UBAP2: variants seen among roughly 807,000 people sequenced by gnomAD.
UBAP2 encodes ubiquitin-associated protein 2.
UBAP2 carries 75 observed loss-of-function variants against 139.6 expected under a neutral mutation model. The observed-to-expected ratio is 0.54, with a 90% CI of 0.45 to 0.65. UBAP2 has a LOEUF of 0.65. Ranked by LOEUF, UBAP2 falls within the 30% of genes least tolerant of loss-of-function variation. The probability of loss-of-function intolerance (pLI) is 0.00; values close to 1 mark genes in which losing one functional copy is unlikely to be tolerated. For synonymous variants in UBAP2, 526 were observed against 526.2 expected (o/e 1.00, Z 0.01); for missense variants, 1,368 against 1,369.6 (o/e 1.00, Z 0.02).
At chr9:33,981,113 TA>T (rs1194418540) in intron 6 of UBAP2, among the ~76,000 whole-genome samples, 2 of 4,624 alleles carry the variant, frequency 4.3e-4, no homozygotes, top group East Asian at 4.5e-3. Flanking sequence ...GATATATATA[TA>T]TATATATATA....
At chr9:34,031,756 G>A (rs1187049135) in intron 1 of UBAP2, among the ~76,000 whole-genome samples, 4 of 150,280 alleles carry the variant, frequency 2.7e-5, no homozygotes, top group Non-Finnish European at 5.9e-5. Flanking sequence ...CTGCACTCTG[G>A]CCTGGGCAAC....
intron 10 of UBAP2, among the ~76,000 whole-genome samples, chr9:33,957,757 C>CA (rs1336506133): frequency 9.2e-5 from 14 of 152,226 alleles, no homozygotes; most frequent in African/African-American, 3.1e-4. Flanking sequence ...TAATTCTTAT[C>CA]AACTCTAAAT....
At chr9:34,007,938 C>T (rs1823382172) in intron 2 of UBAP2, among the ~76,000 whole-genome samples, 1 of 152,070 alleles carries the variant, frequency 6.6e-6, no homozygotes. Flanking sequence ...ACCGCACTGG[C>T]CTGTCCTTGT....
chr9:33,950,245 G>T (rs1377870436), intron 12 of UBAP2, among the ~76,000 whole-genome samples: 1 of 151,904 alleles, frequency 6.6e-6, no homozygotes, highest in Admixed American at 6.6e-5. Context: ...TGTTGTTGTT[G>T]TATTTTTAGT....
chr9:33,923,010 T>G lies in UBAP2; in HGVS notation c.3028A>C (p.Thr1010Pro). The change falls in exon 27 of 29, where the codon ACT becomes CCT. Residue 1010 changes from threonine to proline, a missense_variant. Thr to Pro is a conservative substitution (Grantham distance 38). Transcript: ENST00000379238. ...GKGVSVSSST[T>P]GLPDMTGSVY... ...GAACCAGTCATATCAGGTAGACCAG[T>G]GGTGCTTGAAGACACTGATACTCCT... 6.2e-7 allele frequency: 1 copy of G among 1,614,100 alleles called. No homozygotes were observed. Among genetic ancestry groups the G allele is most frequent in the Non-Finnish European group, 8.5e-7 (1 of 1,179,996 alleles).
At chr9:34,038,102 G>T (rs532648225) in intron 1 of UBAP2, among the ~76,000 whole-genome samples, 1 of 145,230 alleles carries the variant, frequency 6.9e-6, no homozygotes, top group South Asian at 2.2e-4. Context: ...GGAGTTCAAG[G>T]CTGCAATGAG....
chr9:34,003,746 G>C (rs1194886381), intron 2 of UBAP2, among the ~76,000 whole-genome samples: 2 of 148,436 alleles, frequency 1.3e-5, no homozygotes, highest in African/African-American at 5.0e-5. Flanking sequence ...TTGAGACAGA[G>C]TTTCACTCTT....
At chr9:33,993,380 G>T (rs1238264677) in intron 4 of UBAP2, among the ~76,000 whole-genome samples, 1 of 152,200 alleles carries the variant, frequency 6.6e-6, no homozygotes, top group Non-Finnish European at 1.5e-5. Flanking sequence ...GCTGCAGATG[G>T]CAACTAGGTA....
chr9:33,995,487 AT>A (rs1439875152), intron 4 of UBAP2: 8 of 135,528 alleles, frequency 5.9e-5, no homozygotes, highest in African/African-American at 1.4e-4. Flanking sequence ...ATATATTTAT[AT>A]TATTAAATAT....
At chr9:33,985,188 T>A (rs1333425715) in intron 6 of UBAP2, among the ~76,000 whole-genome samples, 1 of 152,224 alleles carries the variant, frequency 6.6e-6, no homozygotes, top group South Asian at 2.1e-4. Context: ...TTTCTATTTT[T>A]TTTTAATTTT....
At position 34,017,035 on chromosome 9, in the gene UBAP2, T is replaced by TCC; in HGVS notation, c.99+13_99+14dup. On this transcript the variant is annotated intron_variant, in intron 2 of 28. Transcript: ENST00000379238. Reference sequence around the variant, plus strand: ...AAAAAAGGAAAAAAAAAAAAAGAGTTCCACAAAAACTTACCTGTACCACTT... The same window carrying TCC: ...AAAAAAGGAAAAAAAAAAAAAGAGTTCCCCACAAAAACTTACCTGTACCACTT... 1 of 1,557,476 alleles carries TCC rather than the reference T, an allele frequency of 6.4e-7. No individual in the cohort carries two copies. The highest frequency in any genetic ancestry group is 8.6e-7 in the Non-Finnish European group (1 of 1,157,034).
intron 4 of UBAP2, among the ~76,000 whole-genome samples, chr9:33,993,988 G>A (rs1047147286): frequency 8.1e-5 from 12 of 149,028 alleles, no homozygotes; most frequent in Admixed American, 4.8e-4. Flanking sequence ...TCTGCTTCCC[G>A]GGTTCAAGCA....
intron 6 of UBAP2, among the ~76,000 whole-genome samples, chr9:33,980,410 ATT>A (rs35494081): frequency 2.2e-5 from 3 of 134,506 alleles, no homozygotes; most frequent in Admixed American, 7.5e-5. Flanking sequence ...CTTTTTTTGT[ATT>A]TTTTTTTTTT....
At chr9:34,042,477 C>CAA (rs10713651) in intron 1 of UBAP2, among the ~76,000 whole-genome samples, 5 of 106,188 alleles carry the variant, frequency 4.7e-5, no homozygotes, top group Non-Finnish European at 9.7e-5. Flanking sequence ...GACTCCGTCT[C>CAA]AAAAAAAAAA....
intron 4 of UBAP2, chr9:33,995,373 ATAAATATATATAT>A (rs1822069265): frequency 7.1e-6 from 1 of 141,312 alleles, no homozygotes; most frequent in African/African-American, 2.6e-5. Context: ...AAATAAATAT[ATAAATATATATAT>A]TAAATATAAA....
chr9:34,009,807 T>A (rs1011465538), intron 2 of UBAP2, among the ~76,000 whole-genome samples: 4 of 108,380 alleles, frequency 3.7e-5, no homozygotes, highest in Non-Finnish European at 6.4e-5. Flanking sequence ...TTATATTTCC[T>A]TTTTTTTTTT....
At chr9:33,957,809 T>C (rs149349822) in intron 10 of UBAP2, among the ~76,000 whole-genome samples, 1 of 152,322 alleles carries the variant, frequency 6.6e-6, no homozygotes, top group Non-Finnish European at 1.5e-5. Context: ...CTGCATGACA[T>C]ACTATGTGTA....
intron 10 of UBAP2, among the ~76,000 whole-genome samples, chr9:33,959,539 G>A (rs950844008): frequency 2.0e-5 from 3 of 151,936 alleles, no homozygotes; most frequent in African/African-American, 4.8e-5. Flanking sequence ...CAGTCAAACA[G>A]AAAAGAGGTA....
intron 1 of UBAP2, among the ~76,000 whole-genome samples, chr9:34,018,990 G>C (rs1436948499): frequency 6.6e-6 from 1 of 152,138 alleles, no homozygotes; most frequent in Non-Finnish European, 1.5e-5. Flanking sequence ...AGCAAAATGT[G>C]ACATATATAC....
Sources: gnomAD v4.1 joint callset for allele counts (sites outside exome capture counted in the v4.1 genomes callset) on GRCh38, gnomAD v4.1.1 for gene constraint, MANE v1.5 for transcripts, NCBI Gene and HGNC (gene_info 2026-07-23, HGNC 2026-07-21) for gene names.